PAPPA2: variants seen among roughly 807,000 people sequenced by gnomAD.
PAPPA2 encodes pappalysin-2.
PAPPA2 carries 86 observed loss-of-function variants against 176.4 expected under a neutral mutation model. That is an observed-to-expected ratio of 0.49 (90% confidence interval 0.41 to 0.58). PAPPA2 has a LOEUF of 0.58. PAPPA2 is among the 20% of genes least tolerant of loss of function. The pLI, the probability that PAPPA2 is intolerant of heterozygous loss-of-function variation, is 0.00. For synonymous variants in PAPPA2, 809 were observed against 852.2 expected, an observed-to-expected ratio of 0.95 and a Z score of 0.88; for missense variants, 2,073 against 2,256.9, an observed-to-expected ratio of 0.92 and a Z score of 1.65.
chr1:176,823,153 G>A (rs1465336885), intron 21 of PAPPA2, among the ~76,000 whole-genome samples: 1 of 152,094 alleles, frequency 6.6e-6, no homozygotes, highest in East Asian at 1.9e-4. Flanking sequence ...TTTGCTTCCT[G>A]CCCCTCCATT....
At chr1:176,673,984 A>G (rs1339081789) in intron 4 of PAPPA2, among the ~76,000 whole-genome samples, 6 of 152,144 alleles carry the variant, frequency 3.9e-5, no homozygotes, top group African/African-American at 1.2e-4. Flanking sequence ...AATGGAAATC[A>G]CAAAAAGTAA....
chr1:176,700,205 A>C (rs1050938045), intron 8 of PAPPA2, among the ~76,000 whole-genome samples: 10 of 152,106 alleles, frequency 6.6e-5, no homozygotes, highest in African/African-American at 2.2e-4. Context: ...CTGGCACTGC[A>C]TGTTCAGTGC....
At chr1:176,789,406 G>T (rs1167350457) in intron 17 of PAPPA2, among the ~76,000 whole-genome samples, 2 of 151,882 alleles carry the variant, frequency 1.3e-5, no homozygotes, top group African/African-American at 4.8e-5. Context: ...CTGTTGTGGG[G>T]TGGGGGGAGT....
intron 21 of PAPPA2, among the ~76,000 whole-genome samples, chr1:176,829,367 C>G (rs1293923012): frequency 6.6e-6 from 1 of 152,218 alleles, no homozygotes; most frequent in Non-Finnish European, 1.5e-5. Context: ...CGGTCGTTTC[C>G]TCCCACAGTC....
chr1:176,649,828 A>G (rs529976881), intron 3 of PAPPA2, among the ~76,000 whole-genome samples: 19 of 151,670 alleles, frequency 1.3e-4, no homozygotes, highest in Admixed American at 4.0e-4. Context: ...CAGATCATCA[A>G]TCCTGAATAA....
intron 9 of PAPPA2, 34 bp from the exon 10 acceptor site, chr1:176,706,325 T>C: frequency 6.4e-7 from 1 of 1,559,920 alleles, no homozygotes; most frequent in Non-Finnish European, 8.8e-7. Flanking sequence ...TTTGTGTGTA[T>C]GTGTTATATA....
intron 17 of PAPPA2, among the ~76,000 whole-genome samples, chr1:176,773,403 A>G (rs1664321587): frequency 6.6e-6 from 1 of 152,190 alleles, no homozygotes; most frequent in East Asian, 1.9e-4. Context: ...ACTTCTTTCT[A>G]TGATATGCAA....
intron 1 of PAPPA2, among the ~76,000 whole-genome samples, chr1:176,551,582 C>T (rs1048379786): frequency 3.3e-5 from 5 of 152,146 alleles, no homozygotes; most frequent in Non-Finnish European, 7.3e-5. Context: ...ACTGGCTCCT[C>T]TCTTTGTGCA....
chr1:176,490,591 A>G (rs183367737), intron 1 of PAPPA2, among the ~76,000 whole-genome samples: 89 of 152,242 alleles, frequency 5.8e-4, no homozygotes, highest in African/African-American at 2.1e-3. Context: ...TCTTCCAAAT[A>G]TTTCATGTGT....
intron 1 of PAPPA2, among the ~76,000 whole-genome samples, chr1:176,483,573 C>A (rs7520422): frequency 6.8e-6 from 1 of 146,538 alleles, no homozygotes; most frequent in Non-Finnish European, 1.5e-5. Flanking sequence ...CGGGTTCAAG[C>A]GATTCTCCTG....
intron 17 of PAPPA2, among the ~76,000 whole-genome samples, chr1:176,784,592 T>C (rs1323856188): frequency 1.4e-5 from 2 of 146,882 alleles, no homozygotes; most frequent in Admixed American, 1.4e-4. Context: ...ATGATTCTCT[T>C]TTTTTTTTTT....
At chr1:176,721,423 T>G (rs1418258754) in intron 12 of PAPPA2, among the ~76,000 whole-genome samples, 1 of 152,180 alleles carries the variant, frequency 6.6e-6, no homozygotes, top group Non-Finnish European at 1.5e-5. Context: ...TTTGTTTAGC[T>G]TGAGGAAATT....
At chr1:176,480,046 C>T (rs894317533) in intron 1 of PAPPA2, among the ~76,000 whole-genome samples, 6 of 152,228 alleles carry the variant, frequency 3.9e-5, no homozygotes, top group African/African-American at 1.4e-4. Context: ...AGCTGCCTGA[C>T]AACCTCTGTA....
At chr1:176,633,850 C>T (rs1656497959) in intron 3 of PAPPA2, among the ~76,000 whole-genome samples, 1 of 152,206 alleles carries the variant, frequency 6.6e-6, no homozygotes, top group Non-Finnish European at 1.5e-5. Flanking sequence ...AAATGCTCAT[C>T]ATCACTGGCC....
In PAPPA2 at chr1:176,791,710, C is replaced by T. The variant is rs146708817; in HGVS notation, c.5020+228C>T. Among the ~76,000 whole-genome samples the T allele has an allele frequency of 7.9e-3, 1,200 of 152,226 alleles. 19 individuals carry two copies. Among genetic ancestry groups the T allele is most frequent in the African/African-American group, 0.027 (1,116 of 41,550 alleles). ...CTGGGACTACATATGCCTGCCACCACACCTGGCTAATTTTTGTGTTTTTAG... is the reference window on the plus strand; with the variant it reads ...CTGGGACTACATATGCCTGCCACCATACCTGGCTAATTTTTGTGTTTTTAG... On this transcript the variant is annotated intron_variant, in intron 19 of 22. Transcript: ENST00000367662.
At chr1:176,593,062 T>A (rs956774790) in intron 2 of PAPPA2, among the ~76,000 whole-genome samples, 2 of 152,196 alleles carry the variant, frequency 1.3e-5, no homozygotes, top group African/African-American at 2.4e-5. Context: ...TAGCTAGTCA[T>A]CACTAGTAAT....
At chr1:176,550,852 T>C (rs1455434683) in intron 1 of PAPPA2, among the ~76,000 whole-genome samples, 1 of 152,210 alleles carries the variant, frequency 6.6e-6, no homozygotes, top group Admixed American at 6.5e-5. Context: ...TTCTGAGTTA[T>C]AGAACACATA....
intron 1 of PAPPA2, among the ~76,000 whole-genome samples, chr1:176,465,386 G>A (rs1379944558): frequency 6.6e-6 from 1 of 152,178 alleles, no homozygotes; most frequent in African/African-American, 2.4e-5. Flanking sequence ...TATTTCACAG[G>A]TCTCCCTATA....
At chr1:176,606,395 A>T (rs532791499) in intron 3 of PAPPA2, among the ~76,000 whole-genome samples, 1 of 152,232 alleles carries the variant, frequency 6.6e-6, no homozygotes, top group African/African-American at 2.4e-5. Context: ...CAGAGAATAC[A>T]TTCTTGAAGA....
Sources: allele counts gnomAD v4.1 joint callset (sites outside exome capture counted in the v4.1 genomes callset), GRCh38; gene constraint gnomAD v4.1.1; transcripts MANE v1.5; gene names NCBI Gene and HGNC (gene_info 2026-07-23, HGNC 2026-07-21).